Variants in SLC39A4 observed in about 807,000 individuals in gnomAD.
The protein encoded by SLC39A4 is zinc transporter ZIP4.
Under a neutral mutation model 56.6 loss-of-function variants are expected in SLC39A4, and 49 were observed. That is an observed-to-expected ratio of 0.87 (90% CI 0.69 to 1.10). The LOEUF is 1.10. SLC39A4 is among the 50% of genes least tolerant of loss of function. SLC39A4 has a pLI of 0.00. For missense variants in SLC39A4, 993 were observed against 864.2 expected, an observed-to-expected ratio of 1.15 and a Z score of -1.87; for synonymous variants, 540 against 420.4, an observed-to-expected ratio of 1.28 and a Z score of -3.48.
In SLC39A4 at chr8:144,413,711, G is replaced by A. The variant is rs1024699186; in HGVS notation, c.1419+39C>T. 5.9e-6 allele frequency: 9 copies of A among 1,535,058 alleles called. No homozygotes were observed. The African/African-American group carries it at 8.2e-5, about 14-fold the overall frequency. ...TGGGCGTGGGAAGGGGTCGGTGGGAGGGGCTCCGCGTGGGATGGGGCATCT... is the reference window on the plus strand; with the variant it reads ...TGGGCGTGGGAAGGGGTCGGTGGGAAGGGCTCCGCGTGGGATGGGGCATCT... On this transcript the variant is annotated intron_variant, in intron 8 of 11. Transcript: ENST00000301305.
At chr8:144,414,188 TCCC>T in intron 6 of SLC39A4, 71 bp downstream of exon 6, 4 of 1,576,916 alleles carry the variant, frequency 2.5e-6, no homozygotes, top group African/African-American at 1.4e-5. Flanking sequence ...GTGGGTAAGG[TCCC>T]TGGGAGGGCA....
At chr8:144,414,189 C>T (rs1194085045) in intron 6 of SLC39A4, 73 bp downstream of exon 6, 3 of 1,579,270 alleles carry the variant, frequency 1.9e-6, no homozygotes, top group African/African-American at 2.7e-5. Flanking sequence ...TGGGTAAGGT[C>T]CCTGGGAGGG....
rs2130791443 is a variant in SLC39A4 at position 144,412,573 on chromosome 8, G to A, written c.1909C>T (p.Leu637=). 3 of 1,614,200 alleles carry A rather than the reference G, an allele frequency of 1.9e-6. No homozygotes were observed. The highest frequency in any genetic ancestry group is 2.5e-6 in the Non-Finnish European group (3 of 1,180,032). ...GLLGGWTVLL[L]LSLYEDDITF is the part of the protein sequence containing the mutation. ...ATGTCATCCTCGTACAGGGACAGCA[G>A]CAGCAGGACGGTCCAGCCGCCCAGC... The change falls in exon 12 of 12, where the codon CTG becomes TTG. Residue 637 remains leucine, a synonymous_variant. Coordinates refer to ENST00000301305, the MANE Select transcript of SLC39A4 (RefSeq NM_130849.4).
chr8:144,416,458 G>T, intron 1 of SLC39A4, 140 bp downstream of exon 1: 1 of 1,464,196 alleles, frequency 6.8e-7, no homozygotes, highest in Non-Finnish European at 9.0e-7. Flanking sequence ...CTGGCCTGTG[G>T]GGAGGGTCAG....
In SLC39A4 at chr8:144,412,471, G is replaced by A. The variant is rs536723324; in HGVS notation, c.*67C>T. 1.2e-6 allele frequency: 2 copies of A among 1,613,196 alleles called. No homozygotes were observed. The highest frequency in any genetic ancestry group is 1.1e-5 in the South Asian group (1 of 90,684). ...GACTGGGGCCTCTATAGGGGCTTCTGGTTTCTGGGCTGTAGGTTTGTGAGG... is the reference window on the plus strand; with the variant it reads ...GACTGGGGCCTCTATAGGGGCTTCTAGTTTCTGGGCTGTAGGTTTGTGAGG... On this transcript the variant is annotated 3_prime_UTR_variant, in exon 12 of 12. Coordinates refer to ENST00000301305, the MANE Select transcript of SLC39A4 (RefSeq NM_130849.4).
Position 144,414,864 on chromosome 8 carries a change from T to C in SLC39A4, c.837A>G (p.Ala279=). ...CCCCAGCCTGTTCCGACAGTCCATATGCAGCCATCACGTCCCTGGCACTCA... is the reference window on the plus strand; with the variant it reads ...CCCCAGCCTGTTCCGACAGTCCATACGCAGCCATCACGTCCCTGGCACTCA... The part of the protein sequence containing the change: ...VCLSARDVMA[A]YGLSEQAGVT... The change falls in exon 5 of 12, where the codon GCA becomes GCG. Residue 279 remains alanine, a synonymous_variant. Transcript: ENST00000301305. The C allele has an allele frequency of 6.2e-7, 1 of 1,613,316 alleles. No individual in the cohort carries two copies. The highest frequency in any genetic ancestry group is 8.5e-7 in the Non-Finnish European group (1 of 1,179,950).
intron 1 of SLC39A4, 196 bp downstream of exon 1, chr8:144,416,402 T>C: frequency 2.1e-6 from 3 of 1,446,392 alleles, no homozygotes; most frequent in Non-Finnish European, 2.7e-6. Flanking sequence ...AGAGGGACTG[T>C]GTCCCTGGAA....
rs1382736135 is a variant in SLC39A4 at position 144,416,830 on chromosome 8, AG to A, written c.-42del. The A allele has an allele frequency of 1.0e-5, 16 of 1,585,438 alleles. No homozygotes were observed. Among genetic ancestry groups the A allele is most frequent in the Non-Finnish European group, 1.4e-5 (16 of 1,167,064 alleles). ...TGCTCAGTGGGTGTTGCTGTGGCCA[AG>A]GCCCAGTGCTTCTGGGCTGGCTGAG... On this transcript the variant is annotated 5_prime_UTR_variant, in exon 1 of 12. Transcript: ENST00000301305.
At chr8:144,414,211 A>T in intron 6 of SLC39A4, 51 bp downstream of exon 6, 2 of 1,593,600 alleles carry the variant, frequency 1.3e-6, no homozygotes, top group Non-Finnish European at 1.7e-6. Context: ...ACGGCCTGGG[A>T]GTCCATGGTG....
Position 144,415,406 on chromosome 8 carries a change from A to C in SLC39A4, c.488T>G (p.Ile163Ser). ...GQTPKMACVD[I>S]PQLLEEAVGA... is the part of the protein sequence containing the mutation. ...CACCGCCTCCTCCAGCAGCTGAGGG[A>C]TATCTACGCAGGCCTGGGGAAGAGG... The change falls in exon 3 of 12, where the codon ATC (isoleucine) becomes AGC (serine). Residue 163 changes from isoleucine to serine, a missense_variant. By Grantham distance (142) the Ile-to-Ser change is moderately radical. Transcript: ENST00000301305. 6.2e-7 allele frequency: 1 copy of C among 1,604,184 alleles called. No individual in the cohort carries two copies. The highest frequency in any genetic ancestry group is 1.3e-5 in the African/African-American group (1 of 74,782).
Position 144,413,755 on chromosome 8 carries a change from C to T in SLC39A4, c.1414G>A (p.Asp472Asn), listed in dbSNP as rs782045242. The change falls in exon 8 of 12, where the codon GAC becomes AAC. Residue 472 changes from aspartate (D) to asparagine (N), a missense_variant. Transcript: ENST00000301305. Reference protein sequence around the residue: ...PKPPHEGSRADLVAEESPELL... With the variant: ...PKPPHEGSRANLVAEESPELL... ...GGCATCTGGCGCCCACTCACCAGGTCTGCGCGGGAGCCCTCGTGGGGGGGC... is the reference window on the plus strand; with the variant it reads ...GGCATCTGGCGCCCACTCACCAGGTTTGCGCGGGAGCCCTCGTGGGGGGGC... 1.6e-5 allele frequency: 25 copies of T among 1,538,180 alleles called. No homozygotes were observed. The highest frequency in any genetic ancestry group is 2.0e-5 in the Non-Finnish European group (23 of 1,147,732).
At chr8:144,415,783 C>T (rs782339486) in intron 2 of SLC39A4, 27 bp downstream of exon 2, 1 of 1,583,878 alleles carries the variant, frequency 6.3e-7, no homozygotes, top group South Asian at 1.1e-5. Flanking sequence ...TCACCCACTC[C>T]CCTGGTCTGC....
Position 144,414,019 on chromosome 8 carries a change from C to G in SLC39A4, c.1226G>C (p.Gly409Ala). The G allele has an allele frequency of 6.2e-7, 1 of 1,600,404 alleles. No individual in the cohort carries two copies. The highest frequency in any genetic ancestry group is 8.5e-7 in the Non-Finnish European group (1 of 1,173,434). Residue 409 changes from glycine to alanine, a missense_variant, in exon 7 of 12, where the codon GGG (glycine) becomes GCG (alanine). Physicochemically the swap from Gly to Ala is moderately conservative, Grantham distance 60. Coordinates refer to ENST00000301305, the MANE Select transcript of SLC39A4 (RefSeq NM_130849.4). The part of the protein sequence containing the change: ...PTWRLLAMLA[G>A]LYAFFLFENL... ...CTCAAACAGGAAGAAGGCGTAGAGC[C>G]CGGCCAGCATAGCCAGGAGGCGCCA...
Position 144,415,852 on chromosome 8 carries a change from C to T in SLC39A4, c.432G>A (p.Leu144=). 6.3e-7 allele frequency: 1 copy of T among 1,597,766 alleles called. No homozygotes were observed. Among genetic ancestry groups the T allele is most frequent in the East Asian group, 2.2e-5 (1 of 44,602 alleles). ...KALTPGLSWL[L]QRMQARAAGQ... ...CGGCAGCCCGGGCCTGCATCCTCTGCAGCAGCCAGCTCAGGCCCGGGGTCA... is the reference window on the plus strand; with the variant it reads ...CGGCAGCCCGGGCCTGCATCCTCTGTAGCAGCCAGCTCAGGCCCGGGGTCA... The change falls in exon 2 of 12, where the codon CTG becomes CTA. Residue 144 remains leucine, a synonymous_variant. Coordinates refer to ENST00000301305, the MANE Select transcript of SLC39A4 (RefSeq NM_130849.4).
At position 144,414,277 on chromosome 8, in the gene SLC39A4, C is replaced by T. The variant is rs1554872946; in HGVS notation, c.1134G>A (p.Leu378=). Reference sequence around the variant, plus strand: ...GGGGGCAGACCTTGGGCGTCAGATGCAGGACAGCGTCCCCAGTGACTGCAC... The same window carrying T: ...GGGGGCAGACCTTGGGCGTCAGATGTAGGACAGCGTCCCCAGTGACTGCAC... The part of the protein sequence containing the change: ...AVGAVTGDAV[L]HLTPKVLGLH... The change falls in exon 6 of 12, where the codon CTG becomes CTA. Residue 378 remains leucine (L), a synonymous_variant. Transcript: ENST00000301305. 1.2e-6 allele frequency: 2 copies of T among 1,608,966 alleles called. No homozygotes were observed. Among genetic ancestry groups the T allele is most frequent in the Non-Finnish European group, 1.7e-6 (2 of 1,178,728 alleles).
At chr8:144,413,037 G>A in intron 10 of SLC39A4, 91 bp from the exon 11 acceptor site, 1 of 1,213,144 alleles carries the variant, frequency 8.2e-7, no homozygotes, top group Admixed American at 2.8e-5. Context: ...ACCAGGCCCC[G>A]CCCACCTGTT....
intron 10 of SLC39A4, 137 bp downstream of exon 10, chr8:144,413,099 GC>G (rs529241001): frequency 2.5e-5 from 13 of 514,450 alleles, no homozygotes; most frequent in Admixed American, 2.3e-4. Flanking sequence ...TCCAGGCCCC[GC>G]CCCACCTGTT....
At position 144,414,344 on chromosome 8, in the gene SLC39A4, A is replaced by AC. The variant is rs781852691; in HGVS notation, c.1066dup (p.Val356GlyfsTer62). ...GAAGGTCTGCAGGATGTAGTGGGTG[A>AC]CCCCCCTGCAGCCAGTGCAGGTCAG... On this transcript the variant is annotated frameshift_variant, in exon 6 of 12. Coordinates refer to ENST00000301305, the MANE Select transcript of SLC39A4 (RefSeq NM_130849.4). LOFTEE classifies it high-confidence loss of function. 1.9e-6 allele frequency: 3 copies of AC among 1,590,866 alleles called. No homozygotes were observed. Among genetic ancestry groups the AC allele is most frequent in the East Asian group, 2.3e-5 (1 of 44,142 alleles).
At position 144,414,068 on chromosome 8, in the gene SLC39A4, C is replaced by T; in HGVS notation, c.1177G>A (p.Glu393Lys). The T allele has an allele frequency of 1.9e-6, 3 of 1,563,834 alleles. No individual in the cohort carries two copies. The highest frequency in any genetic ancestry group is 2.4e-5 in the East Asian group (1 of 41,962). Reference protein sequence around the residue: ...KVLGLHTHSEEGLSPQPTWRL... With the variant: ...KVLGLHTHSEKGLSPQPTWRL... Reference sequence around the variant, plus strand: ...CAGGTGGGCTGTGGGCTGAGGCCCTCTTCGCTGTGTGTATGCAGCCCCAGC... The same window carrying T: ...CAGGTGGGCTGTGGGCTGAGGCCCTTTTCGCTGTGTGTATGCAGCCCCAGC... The change falls in exon 7 of 12, where the codon GAG becomes AAG. Residue 393 changes from glutamate (E) to lysine (K), a missense_variant. Physicochemically the swap from Glu to Lys is moderately conservative, Grantham distance 56 (BLOSUM62 1). Transcript: ENST00000301305.
Sources: allele counts gnomAD v4.1 joint callset, GRCh38; gene constraint gnomAD v4.1.1; transcripts MANE v1.5; gene names NCBI Gene and HGNC (gene_info 2026-07-23, HGNC 2026-07-21).